PLEKHH2: variants seen among roughly 807,000 people sequenced by gnomAD.
The protein encoded by PLEKHH2 is pleckstrin homology, MyTH4 and FERM domain containing H2.
A neutral mutation model predicts 187.9 loss-of-function variants in PLEKHH2; 129 were observed. The ratio of observed to expected loss-of-function variants is 0.69; its 90% CI spans 0.59 to 0.79. The LOEUF (loss-of-function observed/expected upper bound fraction) is 0.79. PLEKHH2 is among the 30% of genes least tolerant of loss of function. PLEKHH2 has a pLI of 0.00. For synonymous variants in PLEKHH2, 686 were observed against 605.6 expected, an observed-to-expected ratio of 1.13 and a Z score of -1.95; for missense variants, 2,076 against 1,751.2, an observed-to-expected ratio of 1.19 and a Z score of -3.31.
intron 2 of PLEKHH2, among the ~76,000 whole-genome samples, chr2:43,659,155 A>G (rs771412319): frequency 2.8e-5 from 4 of 142,796 alleles, no homozygotes; most frequent in Non-Finnish European, 6.0e-5. Flanking sequence ...GTATATATAT[A>G]TTTTTTTCTT....
chr2:43,740,111 AAATAAGATCTCTATCC>A (rs1671492057), intron 20 of PLEKHH2, among the ~76,000 whole-genome samples: 1 of 152,226 alleles, frequency 6.6e-6, no homozygotes, highest in African/African-American at 2.4e-5. Flanking sequence ...AAACAAGGGC[AAATAAGATCTCTATCC>A]AACTTTTTTA....
At chr2:43,685,805 A>G (rs1032803791) in intron 3 of PLEKHH2, among the ~76,000 whole-genome samples, 1 of 152,194 alleles carries the variant, frequency 6.6e-6, no homozygotes, top group African/African-American at 2.4e-5. Flanking sequence ...AAATCAACCC[A>G]GTTCTACTTA....
At chr2:43,686,445 C>T (rs1050129806) in intron 3 of PLEKHH2, among the ~76,000 whole-genome samples, 5 of 152,196 alleles carry the variant, frequency 3.3e-5, no homozygotes, top group African/African-American at 1.2e-4. Flanking sequence ...GATCCCCCTG[C>T]CTTGGCCTCC....
chr2:43,644,429 G>C (rs146575319), intron 1 of PLEKHH2, among the ~76,000 whole-genome samples: 1 of 126,952 alleles, frequency 7.9e-6, no homozygotes, highest in African/African-American at 3.3e-5. Context: ...ACATAGAAAG[G>C]TTAAGTAGCA....
intron 16 of PLEKHH2, among the ~76,000 whole-genome samples, chr2:43,723,526 C>T (rs1670588390): frequency 6.6e-6 from 1 of 152,022 alleles, no homozygotes; most frequent in African/African-American, 2.4e-5. Flanking sequence ...TAACTTTCCC[C>T]AGGCTTCGGC....
chr2:43,694,314 C>T, intron 4 of PLEKHH2, 117 bp from the exon 5 acceptor site: 2 of 1,181,380 alleles, frequency 1.7e-6, no homozygotes, highest in Non-Finnish European at 2.3e-6. Flanking sequence ...AATTTGAAAG[C>T]AGATATAGTA....
At chr2:43,721,479 C>G (rs192146683) in intron 16 of PLEKHH2, among the ~76,000 whole-genome samples, 405 of 152,220 alleles carry the variant, frequency 2.7e-3, no homozygotes, top group African/African-American at 9.4e-3. Context: ...TAGTATTTCT[C>G]CTTCCCTTTT....
At chr2:43,703,627 C>T (rs1041467941) in intron 8 of PLEKHH2, among the ~76,000 whole-genome samples, 1 of 152,092 alleles carries the variant, frequency 6.6e-6, no homozygotes, top group Non-Finnish European at 1.5e-5. Flanking sequence ...TTCTCCCCAC[C>T]GCCAACCATA....
At chr2:43,678,737 A>G (rs113794228) in intron 2 of PLEKHH2, 126 bp from the exon 3 acceptor site, 114,186 of 411,468 alleles carry the variant, frequency 0.28, 11,499 homozygotes, top group Middle Eastern at 0.38. Context: ...TAGAGGTGGA[A>G]GTGGAGGTGG....
At chr2:43,742,704 T>G in intron 21 of PLEKHH2, 37 bp from the exon 22 acceptor site, 1 of 1,419,998 alleles carries the variant, frequency 7.0e-7, no homozygotes, top group Admixed American at 2.5e-5. Context: ...GTCAATTAAA[T>G]TTATTCTTAG....
intron 9 of PLEKHH2, among the ~76,000 whole-genome samples, chr2:43,704,762 A>G (rs1572588543): frequency 6.6e-6 from 1 of 150,570 alleles, no homozygotes; most frequent in East Asian, 1.9e-4. Flanking sequence ...TTGCATTGCT[A>G]TTTCATTCGC....
At position 43,700,450 on chromosome 2, in the gene PLEKHH2, G is replaced by A. The variant is rs762061798; in HGVS notation, c.1492G>A (p.Glu498Lys). 7 of 1,614,088 alleles carry A rather than the reference G, an allele frequency of 4.3e-6. No individual in the cohort carries two copies. The highest frequency in any genetic ancestry group is 4.2e-6 in the Non-Finnish European group (5 of 1,180,022). The change falls in exon 8 of 30, where the codon GAA becomes AAA. Residue 498 changes from glutamate (E) to lysine (K), a missense_variant. Glu to Lys is a moderately conservative substitution (Grantham distance 56, BLOSUM62 1). Transcript: ENST00000282406. Reference sequence around the variant, plus strand: ...TGATCTAGTTGATGGAGACAGTACAGAAGTTTTAGAGAATATGGACACGAG... The same window carrying A: ...TGATCTAGTTGATGGAGACAGTACAAAAGTTTTAGAGAATATGGACACGAG... Reference protein sequence around the residue: ...DLDLVDGDSTEVLENMDTSCD... With the variant: ...DLDLVDGDSTKVLENMDTSCD...
chr2:43,738,185 T>C (rs1671386766), intron 19 of PLEKHH2, among the ~76,000 whole-genome samples, 156 bp from the exon 20 acceptor site: 2 of 152,248 alleles, frequency 1.3e-5, no homozygotes, highest in South Asian at 4.1e-4. Flanking sequence ...GCTATTATTG[T>C]GGCGATTCCA....
chr2:43,669,332 T>A (rs750803270), intron 2 of PLEKHH2, among the ~76,000 whole-genome samples: 7 of 152,136 alleles, frequency 4.6e-5, no homozygotes, highest in South Asian at 2.1e-4. Context: ...TGACTGCCAA[T>A]GGGTACAGGG....
rs1669311050 is a variant in PLEKHH2, at chr2:43,700,532, A to G, written c.1574A>G (p.Gln525Arg). 6.2e-7 allele frequency: 1 copy of G among 1,613,972 alleles called. No individual in the cohort carries two copies. Among genetic ancestry groups the G allele is most frequent in the Non-Finnish European group, 8.5e-7 (1 of 1,179,982 alleles). Residue 525 changes from glutamine to arginine, a missense_variant, in exon 8 of 30, where the codon CAG becomes CGG. By Grantham distance (43) the Gln-to-Arg change is conservative (BLOSUM62 1). Coordinates refer to ENST00000282406, the MANE Select transcript of PLEKHH2 (RefSeq NM_172069.4). ...TTGGACTCTCCAAATTCAGATGACC[A>G]GGAACACTGTGACTCAGCAAAGAAG... ...DSLDSPNSDD[Q>R]EHCDSAKKVA...
In PLEKHH2 at chr2:43,700,610, T is replaced by C; in HGVS notation, c.1650+2T>C. 6.2e-7 allele frequency: 1 copy of C among 1,602,122 alleles called. No individual in the cohort carries two copies. Among genetic ancestry groups the C allele is most frequent in the Non-Finnish European group, 8.5e-7 (1 of 1,177,056 alleles). ...CCCCTGCACCGTTTTCCTTCTTGGG[T>C]AATTATATCACCGCATGTAACACAT... On this transcript the variant is annotated splice_donor_variant, in intron 8 of 29. Coordinates refer to ENST00000282406, the MANE Select transcript of PLEKHH2 (RefSeq NM_172069.4). LOFTEE classifies it high-confidence loss of function.
chr2:43,696,755 G>A (rs982063600), intron 6 of PLEKHH2, among the ~76,000 whole-genome samples: 5 of 151,966 alleles, frequency 3.3e-5, no homozygotes, highest in South Asian at 2.1e-4. Flanking sequence ...TGGTTATTTC[G>A]GCAACCAGGA....
Position 43,699,815 on chromosome 2 carries a change from G to T in PLEKHH2, c.857G>T (p.Trp286Leu), listed in dbSNP as rs1669264738. 6.2e-7 allele frequency: 1 copy of T among 1,611,564 alleles called. No individual in the cohort carries two copies. Among genetic ancestry groups the T allele is most frequent in the African/African-American group, 1.3e-5 (1 of 74,806 alleles). ...AATTCTGGGGCTCCTGTGAGTGACT[G>T]GAGCTCTGATGAGGAAGACGGGAGC... is the stretch of plus-strand genomic sequence containing the variant. ...SQNSGAPVSD[W>L]SSDEEDGSKG... Residue 286 changes from tryptophan to leucine, a missense_variant, in exon 8 of 30, where the codon TGG becomes TTG. By Grantham distance (61) the Trp-to-Leu change is moderately conservative (BLOSUM62 -2). Coordinates refer to ENST00000282406, the MANE Select transcript of PLEKHH2 (RefSeq NM_172069.4).
intron 15 of PLEKHH2, among the ~76,000 whole-genome samples, chr2:43,719,150 C>G (rs143502852): frequency 3.8e-4 from 58 of 152,250 alleles, no homozygotes; most frequent in African/African-American, 1.3e-3. Context: ...AATTGTCTGT[C>G]TTCTTCACAA....
Sources: gnomAD v4.1 joint callset for allele counts (sites outside exome capture counted in the v4.1 genomes callset) on GRCh38, gnomAD v4.1.1 for gene constraint, MANE v1.5 for transcripts, NCBI Gene and HGNC (gene_info 2026-07-23, HGNC 2026-07-21) for gene names.